The following DDX10 variants were observed in gnomAD, a reference collection of about 807,000 sequenced individuals.
DDX10 encodes the protein DEAD-box helicase 10.
In DDX10, 74 loss-of-function variants were observed where a neutral mutation model predicts 104.3. The observed-to-expected ratio is 0.71, with a 90% CI of 0.59 to 0.86. DDX10 has a LOEUF of 0.86. DDX10 is among the 40% of genes least tolerant of loss of function. The pLI is 0.00. For synonymous variants in DDX10, 351 were observed against 353.4 expected (o/e 0.99, Z 0.08); for missense variants, 952 against 1,040.0 (o/e 0.92, Z 1.16).
At chr11:108,800,218 C>T (rs1056185824) in intron 13 of DDX10, among the ~76,000 whole-genome samples, 5 of 147,710 alleles carry the variant, frequency 3.4e-5, no homozygotes, top group Non-Finnish European at 5.9e-5. Context: ...CCGAGACAGG[C>T]GGATCACGAG....
At chr11:108,690,721 GA>G (rs1468958909) in intron 7 of DDX10, 6 of 195,054 alleles carry the variant, frequency 3.1e-5, no homozygotes, top group Non-Finnish European at 6.3e-5. Flanking sequence ...ATGCCCCCAG[GA>G]AAATGTCAAG....
intron 9 of DDX10, 111 bp from the exon 10 acceptor site, chr11:108,706,628 A>T: frequency 1.3e-6 from 1 of 796,656 alleles, no homozygotes; most frequent in Non-Finnish European, 2.1e-6. Context: ...CCAGTCTCTG[A>T]CATTTATGGT....
chr11:108,877,849 T>C (rs1025683156), intron 16 of DDX10, among the ~76,000 whole-genome samples: 7 of 152,106 alleles, frequency 4.6e-5, no homozygotes, highest in African/African-American at 1.7e-4. Flanking sequence ...TCTGGCAGAG[T>C]TTATCTCATC....
At chr11:108,726,752 G>A (rs185757602) in intron 13 of DDX10, among the ~76,000 whole-genome samples, 1 of 152,002 alleles carries the variant, frequency 6.6e-6, no homozygotes, top group Non-Finnish European at 1.5e-5. Flanking sequence ...AGATATTGCT[G>A]TGTTGTTCCT....
chr11:108,889,112 T>G (rs972107260), intron 16 of DDX10, among the ~76,000 whole-genome samples: 1 of 152,204 alleles, frequency 6.6e-6, no homozygotes, highest in Non-Finnish European at 1.5e-5. Context: ...TATTTCAGGA[T>G]CTTACAGTGT....
rs189774382 is a variant in DDX10 at position 108,685,522 on chromosome 11, G to A, written c.849-3414G>A. Among the ~76,000 whole-genome samples, 805 of 152,196 alleles carry A rather than the reference G, an allele frequency of 5.3e-3. 3 individuals are homozygous for A. The highest frequency in any genetic ancestry group is 8.9e-3 in the Non-Finnish European group (603 of 68,010). ...TTGCTCACGCTGGGAGCTGTAGACCGGAGCTGTTCCTATTCGGCCATCTTG... is the reference window on the plus strand; with the variant it reads ...TTGCTCACGCTGGGAGCTGTAGACCAGAGCTGTTCCTATTCGGCCATCTTG... On this transcript the variant is annotated intron_variant, in intron 6 of 17. Coordinates refer to ENST00000322536, the MANE Select transcript of DDX10 (RefSeq NM_004398.4).
chr11:108,668,933 T>G (rs1050426561), intron 1 of DDX10, among the ~76,000 whole-genome samples: 4 of 152,086 alleles, frequency 2.6e-5, no homozygotes, highest in African/African-American at 9.7e-5. Context: ...AAAACATGCT[T>G]CTTCTGGGTA....
At position 108,723,435 on chromosome 11, in the gene DDX10, G is replaced by A. The variant is rs2094301272; in HGVS notation, c.1938G>A (p.Leu646=). 2 of 1,612,258 alleles carry A rather than the reference G, an allele frequency of 1.2e-6. No individual in the cohort carries two copies. Among genetic ancestry groups the A allele is most frequent in the African/African-American group, 1.3e-5 (1 of 74,834 alleles). ...TGAAGCGGCATAATGTGTTTGGATT[G>A]GACCTTAAAGACGAGAAAACATTAC... The part of the protein sequence containing the change: ...LKVKRHNVFG[L]DLKDEKTLQK... Residue 646 remains leucine, a synonymous_variant, in exon 13 of 18, where the codon TTG becomes TTA. Coordinates refer to ENST00000322536, the MANE Select transcript of DDX10 (RefSeq NM_004398.4).
At chr11:108,902,472 A>C (rs537576200) in intron 16 of DDX10, among the ~76,000 whole-genome samples, 26 of 152,298 alleles carry the variant, frequency 1.7e-4, no homozygotes, top group Non-Finnish European at 2.8e-4. Context: ...TCTATAAACT[A>C]TGTCATTGAG....
At chr11:108,760,813 G>A (rs1218007388) in intron 13 of DDX10, among the ~76,000 whole-genome samples, 1 of 151,642 alleles carries the variant, frequency 6.6e-6, no homozygotes, top group African/African-American at 2.4e-5. Flanking sequence ...TGGGAAAATT[G>A]TTTATGCTGT....
chr11:108,744,793 A>T (rs927937805), intron 13 of DDX10, among the ~76,000 whole-genome samples: 2 of 152,230 alleles, frequency 1.3e-5, no homozygotes, highest in Non-Finnish European at 2.9e-5. Context: ...ATTTACCTGC[A>T]GTAATAAAAT....
At chr11:108,761,947 T>G (rs1304275478) in intron 13 of DDX10, among the ~76,000 whole-genome samples, 1 of 152,180 alleles carries the variant, frequency 6.6e-6, no homozygotes, top group Non-Finnish European at 1.5e-5. Flanking sequence ...TACACTAATA[T>G]AAATATGAAA....
intron 17 of DDX10, among the ~76,000 whole-genome samples, chr11:108,928,902 C>T (rs1386002306): frequency 3.3e-5 from 5 of 152,166 alleles, no homozygotes; most frequent in African/African-American, 9.7e-5. Context: ...TCATTGAAGT[C>T]ATTCATTAAG....
At chr11:108,727,921 A>G (rs560839079) in intron 13 of DDX10, 13 of 163,822 alleles carry the variant, frequency 7.9e-5, no homozygotes, top group Non-Finnish European at 1.5e-4. Context: ...TTGAACAACT[A>G]CATTTTCATT....
At chr11:108,902,895 A>G (rs1461747461) in intron 16 of DDX10, among the ~76,000 whole-genome samples, 1 of 152,160 alleles carries the variant, frequency 6.6e-6, no homozygotes, top group African/African-American at 2.4e-5. Context: ...TACATTAAAA[A>G]TCAAAATAAC....
At chr11:108,773,741 T>C (rs529852412) in intron 13 of DDX10, among the ~76,000 whole-genome samples, 23 of 152,336 alleles carry the variant, frequency 1.5e-4, no homozygotes, top group African/African-American at 5.5e-4. Flanking sequence ...TAAGGGCATT[T>C]AATTTGCATC....
intron 14 of DDX10, among the ~76,000 whole-genome samples, chr11:108,840,920 CATG>C (rs1862628375): frequency 6.6e-6 from 1 of 152,162 alleles, no homozygotes; most frequent in Non-Finnish European, 1.5e-5. Context: ...CACTGGGTAC[CATG>C]GAAGCCCAAA....
chr11:108,802,283 T>G (rs1862033292), intron 13 of DDX10, among the ~76,000 whole-genome samples: 1 of 152,194 alleles, frequency 6.6e-6, no homozygotes, highest in Non-Finnish European at 1.5e-5. Flanking sequence ...GAGCATTTCC[T>G]TCAAGTATCA....
intron 16 of DDX10, among the ~76,000 whole-genome samples, chr11:108,855,537 G>GCAAC (rs1862855236): frequency 6.6e-6 from 1 of 152,174 alleles, no homozygotes; most frequent in Non-Finnish European, 1.5e-5. Flanking sequence ...TTGGCCCACT[G>GCAAC]CAACCTCCGC....
Sources: gnomAD v4.1 joint callset for allele counts (sites outside exome capture counted in the v4.1 genomes callset) on GRCh38, gnomAD v4.1.1 for gene constraint, MANE v1.5 for transcripts, NCBI Gene and HGNC (gene_info 2026-07-23, HGNC 2026-07-21) for gene names.